KLHL1: variants seen among roughly 807,000 people sequenced by gnomAD.
KLHL1 encodes the protein kelch like family member 1.
KLHL1 carries 47 observed loss-of-function variants against 77.7 expected under a neutral mutation model. That is an observed-to-expected ratio of 0.60 (90% CI 0.48 to 0.77). The LOEUF is 0.77. Among genes scored for constraint, KLHL1 ranks in the 30% least tolerant of loss-of-function variants. The pLI, the probability that KLHL1 is intolerant of heterozygous loss-of-function variation, is 0.00. For missense variants in KLHL1, 925 were observed against 910.8 expected, an observed-to-expected ratio of 1.02 and a Z score of -0.20; for synonymous variants, 360 against 325.2, an observed-to-expected ratio of 1.11 and a Z score of -1.15.
At chr13:70,000,442 C>A (rs116421254) in intron 1 of KLHL1, among the ~76,000 whole-genome samples, 3 of 151,786 alleles carry the variant, frequency 2.0e-5, no homozygotes, top group African/African-American at 7.3e-5. Context: ...AGAAAAAAAG[C>A]GTATATACAT....
chr13:69,893,101 CA>C (rs1881486407), intron 4 of KLHL1, among the ~76,000 whole-genome samples: 1 of 151,640 alleles, frequency 6.6e-6, no homozygotes, highest in Non-Finnish European at 1.5e-5. Context: ...CAAAGAAATT[CA>C]GGAGGAAATT....
intron 1 of KLHL1, among the ~76,000 whole-genome samples, chr13:70,045,705 T>A (rs1886478602): frequency 6.6e-6 from 1 of 152,184 alleles, no homozygotes; most frequent in Non-Finnish European, 1.5e-5. Context: ...AAGAAATATT[T>A]TTTTCCTGAG....
intron 4 of KLHL1, among the ~76,000 whole-genome samples, chr13:69,921,245 C>T (rs1882622791): frequency 6.6e-6 from 1 of 152,190 alleles, no homozygotes; most frequent in Non-Finnish European, 1.5e-5. Context: ...TCAAGTCACT[C>T]CTATTGTCTG....
intron 10 of KLHL1, among the ~76,000 whole-genome samples, chr13:69,703,409 AAG>A (rs375479750): frequency 1.2e-4 from 18 of 151,510 alleles, no homozygotes; most frequent in South Asian, 4.1e-4. Flanking sequence ...ATTACTATAA[AAG>A]AGTCAAAAAG....
At chr13:69,758,526 A>G (rs1412295878) in intron 7 of KLHL1, among the ~76,000 whole-genome samples, 1 of 152,136 alleles carries the variant, frequency 6.6e-6, no homozygotes, top group Non-Finnish European at 1.5e-5. Flanking sequence ...CTTTTAAAAT[A>G]AACTTTTTCA....
intron 1 of KLHL1, among the ~76,000 whole-genome samples, chr13:70,093,048 C>T (rs1469764053): frequency 2.0e-5 from 3 of 151,964 alleles, no homozygotes; most frequent in African/African-American, 7.3e-5. Context: ...CATTGAATAA[C>T]ATTAATGACT....
At chr13:69,975,422 G>T (rs1884515374) in intron 2 of KLHL1, among the ~76,000 whole-genome samples, 198 bp downstream of exon 2, 1 of 151,726 alleles carries the variant, frequency 6.6e-6, no homozygotes, top group Non-Finnish European at 1.5e-5. Flanking sequence ...ATTACCTAAA[G>T]TAGCATTTCA....
At chr13:69,918,587 A>G (rs948530067) in intron 4 of KLHL1, among the ~76,000 whole-genome samples, 1 of 151,902 alleles carries the variant, frequency 6.6e-6, no homozygotes, top group Non-Finnish European at 1.5e-5. Flanking sequence ...AATGGCAGCT[A>G]ACTGCAGATG....
chr13:70,076,714 G>A (rs1286706227), intron 1 of KLHL1, among the ~76,000 whole-genome samples: 1 of 151,442 alleles, frequency 6.6e-6, no homozygotes, highest in Admixed American at 6.6e-5. Flanking sequence ...CACAGACCAG[G>A]AGAAAATTTT....
chr13:69,893,887 T>C (rs1012244359), intron 4 of KLHL1, among the ~76,000 whole-genome samples: 2 of 152,206 alleles, frequency 1.3e-5, no homozygotes, highest in East Asian at 3.9e-4. Flanking sequence ...GGAAACACAG[T>C]GTTGGAGCAT....
rs1180536175 is a variant in KLHL1 at position 69,796,898 on chromosome 13, A to G, written c.1479T>C (p.Asn493=). 8 of 1,614,156 alleles carry G rather than the reference A, an allele frequency of 5.0e-6. No individual in the cohort carries two copies. The highest frequency in any genetic ancestry group is 5.1e-6 in the Non-Finnish European group (6 of 1,180,020). Residue 493 remains asparagine (N), a synonymous_variant, in exon 7 of 11, where the codon AAT becomes AAC. Coordinates refer to ENST00000377844, the MANE Select transcript of KLHL1 (RefSeq NM_020866.3). ...TNLWIQAGMM[N]GRRLQFGVAV... Reference sequence around the variant, plus strand: ...CCACACCAAACTGCAGCCTTCTGCCATTCATCATCCCTGCCTGGATCCACA... The same window carrying G: ...CCACACCAAACTGCAGCCTTCTGCCGTTCATCATCCCTGCCTGGATCCACA...
chr13:69,715,329 T>C (rs983616199), intron 9 of KLHL1, among the ~76,000 whole-genome samples: 2 of 151,956 alleles, frequency 1.3e-5, no homozygotes, highest in African/African-American at 2.4e-5. Flanking sequence ...TGACAGTGAG[T>C]GAGTTTCCAT....
At chr13:69,783,566 A>C (rs970179775) in intron 7 of KLHL1, among the ~76,000 whole-genome samples, 1 of 151,956 alleles carries the variant, frequency 6.6e-6, no homozygotes, top group Non-Finnish European at 1.5e-5. Flanking sequence ...AACTGGAAGA[A>C]AGGGTATCAG....
chr13:69,896,990 C>T (rs572146302), intron 4 of KLHL1, among the ~76,000 whole-genome samples: 2 of 152,028 alleles, frequency 1.3e-5, no homozygotes, highest in South Asian at 4.1e-4. Flanking sequence ...CTTTTTAAGG[C>T]TTTTTATAAA....
intron 1 of KLHL1, among the ~76,000 whole-genome samples, chr13:70,085,819 G>A (rs188899797): frequency 3.6e-4 from 55 of 152,130 alleles, no homozygotes; most frequent in East Asian, 1.4e-3. Flanking sequence ...AGCCGAGATC[G>A]CACCACTGCA....
chr13:70,086,462 T>C (rs905934477), intron 1 of KLHL1, among the ~76,000 whole-genome samples: 1 of 149,124 alleles, frequency 6.7e-6, no homozygotes, highest in African/African-American at 2.5e-5. Flanking sequence ...GCACCTGTAA[T>C]CCCAGCTACT....
intron 4 of KLHL1, among the ~76,000 whole-genome samples, chr13:69,901,510 T>C (rs1209032694): frequency 6.6e-6 from 1 of 152,178 alleles, no homozygotes; most frequent in Admixed American, 6.5e-5. Flanking sequence ...TGGTCAGGGA[T>C]AGACAGATGA....
intron 5 of KLHL1, among the ~76,000 whole-genome samples, chr13:69,847,129 A>T (rs1239091600): frequency 1.3e-5 from 2 of 151,418 alleles, no homozygotes; most frequent in Non-Finnish European, 3.0e-5. Flanking sequence ...TATTGTAAAT[A>T]ACTTTTACAA....
At chr13:69,766,639 T>C (rs1734531455) in intron 7 of KLHL1, among the ~76,000 whole-genome samples, 1 of 152,026 alleles carries the variant, frequency 6.6e-6, no homozygotes, top group Admixed American at 6.6e-5. Context: ...AAGGAGGAAA[T>C]TCTGGAAAAT....
Sources: gnomAD v4.1 joint callset for allele counts (sites outside exome capture counted in the v4.1 genomes callset) on GRCh38, gnomAD v4.1.1 for gene constraint, MANE v1.5 for transcripts, NCBI Gene and HGNC (gene_info 2026-07-23, HGNC 2026-07-21) for gene names.